The following DYNC2H1 variants were observed in gnomAD, a reference collection of about 807,000 sequenced individuals.
DYNC2H1 encodes cytoplasmic dynein 2 heavy chain 1.
In DYNC2H1, 410 loss-of-function variants were observed where a neutral mutation model predicts 570.0. That is an observed-to-expected ratio of 0.72 (90% CI 0.66 to 0.78). The LOEUF is 0.78. Ranked by LOEUF, DYNC2H1 falls within the 30% of genes least tolerant of loss-of-function variation. DYNC2H1 has a pLI of 0.00. For synonymous variants in DYNC2H1, 1,688 were observed against 1,677.6 expected (o/e 1.01, Z -0.15); for missense variants, 4,865 against 5,046.4 (o/e 0.96, Z 1.09).
intron 71 of DYNC2H1, among the ~76,000 whole-genome samples, chr11:103,281,295 C>T (rs143272121): frequency 6.6e-6 from 1 of 151,960 alleles, no homozygotes; most frequent in Non-Finnish European, 1.5e-5. Context: ...CTGCTGTTAA[C>T]TTTGATTTCT....
At chr11:103,423,418 A>G (rs74521990) in intron 84 of DYNC2H1, among the ~76,000 whole-genome samples, 1 of 30,032 alleles carries the variant, frequency 3.3e-5, no homozygotes, top group African/African-American at 2.7e-4. Flanking sequence ...TAAAAAAAAA[A>G]AAAAAAAAAA....
chr11:103,242,779 G>A (rs1200646935), intron 63 of DYNC2H1, among the ~76,000 whole-genome samples: 2 of 151,894 alleles, frequency 1.3e-5, no homozygotes, highest in Admixed American at 6.6e-5. Flanking sequence ...AGAGTGCAGT[G>A]GCGTGATCTT....
chr11:103,432,756 G>GT (rs1229574706), intron 84 of DYNC2H1, among the ~76,000 whole-genome samples: 5 of 152,010 alleles, frequency 3.3e-5, no homozygotes, highest in Non-Finnish European at 7.4e-5. Flanking sequence ...TTCTAACAAT[G>GT]TAAAAACTGC....
intron 87 of DYNC2H1, among the ~76,000 whole-genome samples, chr11:103,462,631 T>G (rs1945056072): frequency 1.3e-5 from 2 of 152,226 alleles, no homozygotes; most frequent in South Asian, 2.1e-4. Context: ...AAATACATTT[T>G]TTGTTGAAAA....
Position 103,461,569 on chromosome 11 carries a change from G to C in DYNC2H1, c.12648+5213G>C, listed in dbSNP as rs1945011881. 6.6e-6 allele frequency among the ~76,000 whole-genome samples: 1 copy of C among 152,172 alleles called. No homozygotes were observed. Among genetic ancestry groups the C allele is most frequent in the African/African-American group, 2.4e-5 (1 of 41,452 alleles). ...TACATCTTCCTCCAAGGCTGAGAGA[G>C]GATTGCCCTAGCAACACTTCGAGTG... On this transcript the variant is annotated intron_variant, in intron 87 of 88. Transcript: ENST00000375735. The surrounding 1 kb of genome is among the most constrained non-coding windows in gnomAD (Gnocchi z 4.8).
At chr11:103,425,575 G>A (rs879941606) in intron 84 of DYNC2H1, among the ~76,000 whole-genome samples, 5 of 152,128 alleles carry the variant, frequency 3.3e-5, no homozygotes, top group Admixed American at 6.6e-5. Flanking sequence ...TCAACAAGAC[G>A]TCTGAGGGGA....
intron 84 of DYNC2H1, among the ~76,000 whole-genome samples, chr11:103,423,531 G>GTGTT (rs1053313520): frequency 8.0e-5 from 12 of 150,598 alleles, no homozygotes; most frequent in African/African-American, 2.9e-4. Context: ...TAGTGACTTT[G>GTGTT]TGTTTGACAG....
chr11:103,235,172 G>T lies in DYNC2H1; in HGVS notation c.9568-500G>T, dbSNP rs181459760. Among the ~76,000 whole-genome samples, 166 of 151,980 alleles carry T rather than the reference G, an allele frequency of 1.1e-3. 1 individual carries two copies. Among genetic ancestry groups the T allele is most frequent in the Admixed American group, 0.01 (154 of 15,226 alleles). On this transcript the variant is annotated intron_variant, in intron 61 of 88. Transcript: ENST00000375735. ...ATGGCTCACGTCACAGTTTAAAATA[G>T]AAATTCCTTTGCATGTCGTGGAAAA...
At chr11:103,331,394 C>T (rs1324937884) in intron 82 of DYNC2H1, among the ~76,000 whole-genome samples, 1 of 152,028 alleles carries the variant, frequency 6.6e-6, no homozygotes, top group Non-Finnish European at 1.5e-5. Flanking sequence ...GGGAGGGGTC[C>T]ATAAAACTCT....
intron 52 of DYNC2H1, among the ~76,000 whole-genome samples, chr11:103,208,287 G>A (rs1164332364): frequency 2.0e-5 from 3 of 152,148 alleles, no homozygotes; most frequent in East Asian, 3.8e-4. Flanking sequence ...AAGAGTGACA[G>A]TGAGCCAAGA....
chr11:103,215,634 G>A, intron 54 of DYNC2H1, 87 bp from the exon 55 acceptor site: 6 of 1,321,984 alleles, frequency 4.5e-6, no homozygotes, highest in Non-Finnish European at 6.0e-6. Flanking sequence ...TAACATGTTT[G>A]CTTGATTCTT....
At chr11:103,169,077 GTAT>G (rs1307165964) in intron 32 of DYNC2H1, 117 bp downstream of exon 32, 14 of 933,388 alleles carry the variant, frequency 1.5e-5, no homozygotes, top group Non-Finnish European at 1.5e-5. Flanking sequence ...AATATTTTTA[GTAT>G]TATTGTCTTG....
At position 103,321,239 on chromosome 11, in the gene DYNC2H1, TA is replaced by T. The variant is rs780573146; in HGVS notation, c.11934+3del. On this transcript the variant is annotated splice_donor_region_variant and intron_variant, in intron 81 of 88. Coordinates refer to ENST00000375735, the MANE Select transcript of DYNC2H1 (RefSeq NM_001377.3). ...CTACCACAATCCTGCAGCATTTTGG[TA>T]GGTAAAATGAATGATTTTCAATCTA... 3.1e-6 allele frequency: 5 copies of T among 1,600,880 alleles called. No homozygotes were observed. The highest frequency in any genetic ancestry group is 4.3e-6 in the Non-Finnish European group (5 of 1,172,398).
chr11:103,257,348 T>C (rs1865095573), intron 68 of DYNC2H1, among the ~76,000 whole-genome samples: 1 of 152,146 alleles, frequency 6.6e-6, no homozygotes, highest in Non-Finnish European at 1.5e-5. Context: ...ACGAGTTTAG[T>C]GTATTTTGTT....
chr11:103,292,777 G>A (rs1017125715), intron 75 of DYNC2H1, among the ~76,000 whole-genome samples: 4 of 152,202 alleles, frequency 2.6e-5, no homozygotes, highest in African/African-American at 9.6e-5. Context: ...TTCTCACCAT[G>A]TGAGATGCCT....
chr11:103,153,364 A>C lies in DYNC2H1; in HGVS notation c.3158A>C (p.Lys1053Thr). Residue 1053 changes from lysine to threonine, a missense_variant, in exon 22 of 89, where the codon AAA (lysine) becomes ACA (threonine). Lys to Thr is a moderately conservative substitution (Grantham distance 78). This residue lies in a region of DYNC2H1 where 1,936 missense variants were observed against 1,962.1 expected (regional missense o/e 0.99). Transcript: ENST00000375735. ...RLQIYYQELE[K>T]FKARWDQLKP... is the part of the protein sequence containing the mutation. ...CAGATCTATTATCAAGAACTGGAAA[A>C]ATTTAAAGCTCGTTGGGACCAACTA... 2 of 1,548,646 alleles carry C rather than the reference A, an allele frequency of 1.3e-6. No individual in the cohort carries two copies. Among genetic ancestry groups the C allele is most frequent in the Non-Finnish European group, 1.7e-6 (2 of 1,146,204 alleles).
chr11:103,124,010 TCATTTTAAGC>T (rs140547214), intron 11 of DYNC2H1, among the ~76,000 whole-genome samples: 3,234 of 152,296 alleles, frequency 0.021, 52 homozygotes, highest in Non-Finnish European at 0.033. Flanking sequence ...GGCTAAATCA[TCATTTTAAGC>T]CATTTTAAAG....
In DYNC2H1 at chr11:103,120,725, AT is replaced by A; in HGVS notation, c.1173del (p.Ile392LeufsTer8). ...WKAAVSQYEKIIAPAEQKIAG... is the reference protein window; with the variant it reads ...WKAAVSQYEKXIAPAEQKIAG... ...AGCTGCGGTGTCTCAATATGAAAAG[AT>A]TATTGCACCTGCGGAACAAAAAATA... On this transcript the variant is annotated frameshift_variant, in exon 8 of 89. Coordinates refer to ENST00000375735, the MANE Select transcript of DYNC2H1 (RefSeq NM_001377.3). LOFTEE classifies it high-confidence loss of function. The A allele has an allele frequency of 6.2e-7, 1 of 1,610,464 alleles. No individual in the cohort carries two copies. Among genetic ancestry groups the A allele is most frequent in the Non-Finnish European group, 8.5e-7 (1 of 1,178,064 alleles).
At chr11:103,427,212 A>G (rs1943705056) in intron 84 of DYNC2H1, among the ~76,000 whole-genome samples, 1 of 152,172 alleles carries the variant, frequency 6.6e-6, no homozygotes, top group Non-Finnish European at 1.5e-5. Flanking sequence ...TGAATGTATC[A>G]CAGAAAACAA....
Sources: gnomAD v4.1 joint callset for allele counts (sites outside exome capture counted in the v4.1 genomes callset) on GRCh38, gnomAD v4.1.1 for gene constraint, gnomAD v4.1.1 regional missense constraint, Gnocchi (gnomAD v3.1) non-coding constraint, MANE v1.5 for transcripts, NCBI Gene and HGNC (gene_info 2026-07-23, HGNC 2026-07-21) for gene names.